SCFD2: variants seen among roughly 807,000 people sequenced by gnomAD.
SCFD2 encodes the protein sec1 family domain containing 2, also known as sec1 family domain-containing protein 2.
A neutral mutation model predicts 58.9 loss-of-function variants in SCFD2; 54 were observed. The observed-to-expected ratio is 0.92, with a 90% CI of 0.74 to 1.15. The LOEUF (loss-of-function observed/expected upper bound fraction) is 1.15, where lower values mean the gene tolerates loss of function less well. SCFD2 is among the 50% of genes most tolerant of loss of function. SCFD2 has a pLI of 0.00. For synonymous variants in SCFD2, 321 were observed against 335.9 expected (o/e 0.96, Z 0.49); for missense variants, 805 against 836.6 (o/e 0.96, Z 0.47).
Position 53,218,003 on chromosome 4 carries a change from A to G in SCFD2, c.1311+55823T>C, listed in dbSNP as rs183868362. Among the ~76,000 whole-genome samples, 262 of 152,322 alleles carry G rather than the reference A, an allele frequency of 1.7e-3. 1 individual carries two copies. Among genetic ancestry groups the G allele is most frequent in the African/African-American group, 5.9e-3 (247 of 41,576 alleles). ...TCTTCTGGCTTGTAGCGTTTCTGCC[A>G]AGAGATCTGCTGTTACTCTGTTGGG... On this transcript the variant is annotated intron_variant, in intron 4 of 8. Coordinates refer to ENST00000401642, the MANE Select transcript of SCFD2 (RefSeq NM_152540.4).
intron 5 of SCFD2, among the ~76,000 whole-genome samples, chr4:52,939,203 TAAAG>T (rs1720223697): frequency 6.6e-6 from 1 of 152,170 alleles, no homozygotes; most frequent in African/African-American, 2.4e-5. Flanking sequence ...AGAAAATGAA[TAAAG>T]AATCTATGCA....
At chr4:53,179,215 G>A (rs894401586) in intron 4 of SCFD2, among the ~76,000 whole-genome samples, 1 of 152,170 alleles carries the variant, frequency 6.6e-6, no homozygotes, top group Non-Finnish European at 1.5e-5. Flanking sequence ...CACCAAAGTT[G>A]AAATGAAGGA....
At chr4:53,062,986 C>T (rs1346480740) in intron 5 of SCFD2, among the ~76,000 whole-genome samples, 2 of 152,020 alleles carry the variant, frequency 1.3e-5, no homozygotes, top group Admixed American at 6.6e-5. Flanking sequence ...CTGGCCCTAC[C>T]AAAATAAAAA....
intron 5 of SCFD2, among the ~76,000 whole-genome samples, chr4:53,143,142 G>C (rs186259678): frequency 4.7e-4 from 71 of 152,216 alleles, no homozygotes; most frequent in Middle Eastern, 3.4e-3. Flanking sequence ...ATTAAAAAAT[G>C]AAGTGCTGGG....
At chr4:52,900,698 G>A (rs916131904) in intron 7 of SCFD2, among the ~76,000 whole-genome samples, 1 of 152,200 alleles carries the variant, frequency 6.6e-6, no homozygotes, top group Non-Finnish European at 1.5e-5. Context: ...GACTGCAGAG[G>A]TTATTGCTGT....
chr4:52,908,454 G>A (rs1719399769), intron 6 of SCFD2, among the ~76,000 whole-genome samples: 1 of 152,118 alleles, frequency 6.6e-6, no homozygotes, highest in South Asian at 2.1e-4. Context: ...GGGCATGAAG[G>A]GCAAAGGAGG....
At chr4:53,362,022 C>T (rs1734561138) in intron 1 of SCFD2, among the ~76,000 whole-genome samples, 1 of 151,984 alleles carries the variant, frequency 6.6e-6, no homozygotes, top group South Asian at 2.1e-4. Context: ...AGAGTCCCTC[C>T]CTTCAAGAAC....
chr4:53,023,980 G>C (rs1722409510), intron 5 of SCFD2, among the ~76,000 whole-genome samples: 1 of 152,184 alleles, frequency 6.6e-6, no homozygotes, highest in Non-Finnish European at 1.5e-5. Context: ...TGACAAGCCA[G>C]AGTTCTAGAG....
intron 3 of SCFD2, among the ~76,000 whole-genome samples, chr4:53,299,336 A>C (rs944126450): frequency 1.1e-4 from 17 of 152,230 alleles, no homozygotes; most frequent in Non-Finnish European, 2.4e-4. Flanking sequence ...ACTGGAAGAA[A>C]GGGTATCAGT....
chr4:52,993,276 T>G (rs1364661606), intron 5 of SCFD2, among the ~76,000 whole-genome samples: 1 of 152,062 alleles, frequency 6.6e-6, no homozygotes, highest in Non-Finnish European at 1.5e-5. Context: ...CAGGGTCCTC[T>G]GCCTAGGAAA....
intron 8 of SCFD2, among the ~76,000 whole-genome samples, chr4:52,877,037 G>A (rs143872789): frequency 1.3e-3 from 205 of 152,302 alleles, no homozygotes; most frequent in African/African-American, 4.6e-3. Flanking sequence ...CCCCATGGGT[G>A]CTAAGTCTTC....
intron 5 of SCFD2, among the ~76,000 whole-genome samples, chr4:53,106,567 G>A (rs1327673231): frequency 6.6e-6 from 1 of 152,146 alleles, no homozygotes; most frequent in Non-Finnish European, 1.5e-5. Flanking sequence ...ACTTCGTGAA[G>A]CATACACAAG....
intron 4 of SCFD2, among the ~76,000 whole-genome samples, chr4:53,183,359 G>A (rs1727637729): frequency 1.3e-5 from 2 of 152,070 alleles, no homozygotes; most frequent in East Asian, 3.9e-4. Flanking sequence ...GTAGGGACAT[G>A]GATGAAGCTG....
intron 5 of SCFD2, among the ~76,000 whole-genome samples, chr4:53,074,466 G>C (rs1300652649): frequency 6.6e-6 from 1 of 152,134 alleles, no homozygotes; most frequent in Non-Finnish European, 1.5e-5. Context: ...ATGGCATCTA[G>C]AATAGTGAAT....
chr4:53,253,738 G>A (rs1376142902), intron 4 of SCFD2, among the ~76,000 whole-genome samples: 7 of 111,702 alleles, frequency 6.3e-5, no homozygotes, highest in Admixed American at 2.3e-4. Flanking sequence ...GGGGACTGTC[G>A]TGGGGTGGGG....
chr4:53,215,243 C>G (rs1410034739), intron 4 of SCFD2, among the ~76,000 whole-genome samples: 1 of 152,074 alleles, frequency 6.6e-6, no homozygotes, highest in African/African-American at 2.4e-5. Flanking sequence ...TTACCTTGGG[C>G]AATATGGCCA....
intron 4 of SCFD2, among the ~76,000 whole-genome samples, chr4:53,151,667 A>G (rs1464676548): frequency 6.6e-6 from 1 of 152,106 alleles, no homozygotes; most frequent in Non-Finnish European, 1.5e-5. Flanking sequence ...ACTCCACATC[A>G]TGCTAAGCTT....
chr4:53,180,360 C>T (rs1444681979), intron 4 of SCFD2, among the ~76,000 whole-genome samples: 1 of 152,178 alleles, frequency 6.6e-6, no homozygotes, highest in African/African-American at 2.4e-5. Context: ...CTCAAAACCG[C>T]TCAGCTACAT....
intron 5 of SCFD2, among the ~76,000 whole-genome samples, chr4:53,112,326 T>C (rs1725196030): frequency 6.6e-6 from 1 of 152,154 alleles, no homozygotes; most frequent in Admixed American, 6.6e-5. Flanking sequence ...CAAAAGACTC[T>C]AGCCTTAATG....
Sources: gnomAD v4.1 joint callset for allele counts (sites outside exome capture counted in the v4.1 genomes callset) on GRCh38, gnomAD v4.1.1 for gene constraint, MANE v1.5 for transcripts, NCBI Gene and HGNC (gene_info 2026-07-23, HGNC 2026-07-21) for gene names.